The following EPHB2 variants were observed in gnomAD, a reference collection of about 807,000 sequenced individuals.
EPHB2 encodes ephrin type-B receptor 2.
Under a neutral mutation model 96.4 loss-of-function variants are expected in EPHB2, and 18 were observed. The ratio of observed to expected loss-of-function variants is 0.19; its 90% CI spans 0.13 to 0.28. The LOEUF is 0.28. EPHB2 is among the 10% of genes least tolerant of loss of function. The pLI is 1.00. For missense variants in EPHB2, 989 were observed against 1,355.4 expected (o/e 0.73, Z 4.25); for synonymous variants, 506 against 534.1 (o/e 0.95, Z 0.72).
At chr1:22,838,980 T>C (rs555064410) in intron 3 of EPHB2, among the ~76,000 whole-genome samples, 3 of 151,728 alleles carry the variant, frequency 2.0e-5, no homozygotes, top group African/African-American at 4.8e-5. Context: ...AGAAAAATCA[T>C]ACTAGAGAAG....
At chr1:22,882,011 C>A (rs904660626) in intron 5 of EPHB2, among the ~76,000 whole-genome samples, 1 of 152,162 alleles carries the variant, frequency 6.6e-6, no homozygotes, top group Non-Finnish European at 1.5e-5. Flanking sequence ...GAATGGGAGG[C>A]GGAAATAACT....
At chr1:22,761,572 G>T (rs553830910) in intron 1 of EPHB2, among the ~76,000 whole-genome samples, 29 of 152,290 alleles carry the variant, frequency 1.9e-4, no homozygotes, top group African/African-American at 6.5e-4. Context: ...CTGAGCCTCC[G>T]TTCCCTTGTC....
Position 22,790,790 on chromosome 1 carries a change from G to C in EPHB2, c.811+5714G>C, listed in dbSNP as rs1644679901. On this transcript the variant is annotated intron_variant, in intron 3 of 15. Transcript: ENST00000374630. This position sits in a 1 kb window ranked among gnomAD's most constrained non-coding sequence, Gnocchi z 4.0. ...GGGATTTTTAATATTTAGCTTGGAT[G>C]GGGAGAGGGGCTGCTAGCCAGCTCG... Among the ~76,000 whole-genome samples the C allele has an allele frequency of 1.3e-5, 2 of 152,236 alleles. No homozygotes were observed. Among genetic ancestry groups the C allele is most frequent in the Non-Finnish European group, 2.9e-5 (2 of 68,046 alleles).
At position 22,875,424 on chromosome 1, in the gene EPHB2, A is replaced by C. The variant is rs1638806358; in HGVS notation, c.1304-6935A>C. On this transcript the variant is annotated intron_variant, in intron 5 of 15. Transcript: ENST00000374630. The surrounding 1 kb of genome is among the most constrained non-coding windows in gnomAD (Gnocchi z 4.2). ...GTGGCAAGAGGCCCCACGTCACTGCAGCAGTTCCCAACTGTGGGTGGGCAC... is the reference window on the plus strand; with the variant it reads ...GTGGCAAGAGGCCCCACGTCACTGCCGCAGTTCCCAACTGTGGGTGGGCAC... 6.6e-6 allele frequency among the ~76,000 whole-genome samples: 1 copy of C among 152,232 alleles called. No individual in the cohort carries two copies. The highest frequency in any genetic ancestry group is 1.5e-5 in the Non-Finnish European group (1 of 68,042).
chr1:22,907,908 G>A, intron 11 of EPHB2, 45 bp from the exon 12 acceptor site: 1 of 1,603,514 alleles, frequency 6.2e-7, no homozygotes, highest in Non-Finnish European at 8.5e-7. Flanking sequence ...GAGCTCTGAT[G>A]CCTGCTCTTC....
chr1:22,902,017 G>A (rs992129989), intron 9 of EPHB2, among the ~76,000 whole-genome samples: 1 of 152,098 alleles, frequency 6.6e-6, no homozygotes, highest in Non-Finnish European at 1.5e-5. Context: ...GTAGAGATGG[G>A]TTTCTGCCAT....
chr1:22,758,076 A>G (rs12409124), intron 1 of EPHB2, among the ~76,000 whole-genome samples: 124,411 of 135,962 alleles, frequency 0.92, 57,758 homozygotes, highest in Non-Finnish European at 0.99. Context: ...CCGCTACCAC[A>G]CCCGGCTAAT....
At position 22,826,967 on chromosome 1, in the gene EPHB2, C is replaced by T. The variant is rs370815195; in HGVS notation, c.812-36070C>T. On this transcript the variant is annotated intron_variant, in intron 3 of 15. Transcript: ENST00000374630. ...GATGTCCCACAGTCCCCTCCCCCTGCCTTTGACCTCCAGTTGATCTTTGCT... is the reference window on the plus strand; with the variant it reads ...GATGTCCCACAGTCCCCTCCCCCTGTCTTTGACCTCCAGTTGATCTTTGCT... Among the ~76,000 whole-genome samples, 9 of 152,344 alleles carry T rather than the reference C, an allele frequency of 5.9e-5. 1 individual carries two copies. Among genetic ancestry groups the T allele is most frequent in the African/African-American group, 2.2e-4 (9 of 41,578 alleles).
In EPHB2 at chr1:22,915,404, C is replaced by T. The variant is rs937833091; in HGVS notation, c.*1834C>T. ...CACGTGACCCAGGTGCTAAGGGTTG[C>T]TCTTCTAAGCAGCCCTTCCTCCCTC... On this transcript the variant is annotated 3_prime_UTR_variant, in exon 16 of 16. Transcript: ENST00000374630. 3 of 152,240 alleles carry T rather than the reference C, an allele frequency of 2.0e-5. No individual in the cohort carries two copies. Among genetic ancestry groups the T allele is most frequent in the Non-Finnish European group, 2.9e-5 (2 of 68,058 alleles). The allele number at this position is 152,240 out of a possible 1,614,324, so 9.4% of individuals were successfully genotyped here.
At chr1:22,771,110 G>A (rs988714721) in intron 1 of EPHB2, among the ~76,000 whole-genome samples, 4 of 152,202 alleles carry the variant, frequency 2.6e-5, no homozygotes, top group Admixed American at 1.3e-4. Flanking sequence ...AGGTCTGGGT[G>A]GGCCTGGGTG....
At chr1:22,732,507 T>A (rs1643740483) in intron 1 of EPHB2, among the ~76,000 whole-genome samples, 2 of 152,250 alleles carry the variant, frequency 1.3e-5, no homozygotes, top group South Asian at 4.1e-4. Flanking sequence ...CATTTCCATA[T>A]GACCTCATTT....
At chr1:22,894,080 G>A (rs1408893148) in intron 7 of EPHB2, among the ~76,000 whole-genome samples, 1 of 152,162 alleles carries the variant, frequency 6.6e-6, no homozygotes, top group Non-Finnish European at 1.5e-5. Context: ...CACCTCCTCT[G>A]TAATCTTTCT....
rs1208897151 is a variant in EPHB2 at position 22,875,758 on chromosome 1, C to T, written c.1304-6601C>T. Among the ~76,000 whole-genome samples, 2 of 152,138 alleles carry T rather than the reference C, an allele frequency of 1.3e-5. No individual in the cohort carries two copies. Among genetic ancestry groups the T allele is most frequent in the Non-Finnish European group, 2.9e-5 (2 of 68,034 alleles). ...AAGGATTGAATGAGAGACAAGGTCC[C>T]TGACCTCAGATAGTGTTGGTGCTAT... is the stretch of plus-strand genomic sequence containing the variant. On this transcript the variant is annotated intron_variant, in intron 5 of 15. Transcript: ENST00000374630. This position sits in a 1 kb window ranked among gnomAD's most constrained non-coding sequence, Gnocchi z 4.2.
At position 22,784,682 on chromosome 1, in the gene EPHB2, T is replaced by C; in HGVS notation, c.417T>C (p.Asp139=). The C allele has an allele frequency of 6.2e-7, 1 of 1,613,936 alleles. No individual in the cohort carries two copies. The highest frequency in any genetic ancestry group is 8.5e-7 in the Non-Finnish European group (1 of 1,180,018). ...TGGAGAATCCATGGGTGAAGGTGGA[T>C]ACCATTGCAGCCGACGAGAGCTTCT... ...NWMENPWVKV[D]TIAADESFSQ... is the part of the protein sequence containing the mutation. Residue 139 remains aspartate (D), a synonymous_variant, in exon 3 of 16, where the codon GAT becomes GAC. Transcript: ENST00000374630. The surrounding 1 kb of genome is among the most constrained non-coding windows in gnomAD (Gnocchi z 5.1).
At chr1:22,791,705 T>C (rs10917300) in intron 3 of EPHB2, among the ~76,000 whole-genome samples, 10,007 of 152,218 alleles carry the variant, frequency 0.066, 518 homozygotes, top group East Asian at 0.19. Flanking sequence ...TAGGATCCCA[T>C]AGAATAAATG....
At chr1:22,893,080 A>C (rs1293681231) in intron 7 of EPHB2, 34 bp downstream of exon 7, 30 of 1,613,854 alleles carry the variant, frequency 1.9e-5, no homozygotes, top group Non-Finnish European at 2.5e-5. Context: ...AGGAGGGCAC[A>C]GACTCCACAA....
chr1:22,887,390 C>T (rs1184497277), intron 6 of EPHB2, among the ~76,000 whole-genome samples: 8 of 152,128 alleles, frequency 5.3e-5, no homozygotes. Flanking sequence ...TTCCTGAATG[C>T]TCCAGTCTTC....
intron 1 of EPHB2, among the ~76,000 whole-genome samples, chr1:22,745,593 A>G (rs1643961682): frequency 6.6e-6 from 1 of 152,132 alleles, no homozygotes; most frequent in South Asian, 2.1e-4. Context: ...AGCTTCAAAC[A>G]TCCCTCCCCA....
intron 3 of EPHB2, among the ~76,000 whole-genome samples, chr1:22,796,022 G>A (rs916261906): frequency 1.3e-5 from 2 of 152,160 alleles, no homozygotes; most frequent in Non-Finnish European, 2.9e-5. Flanking sequence ...GGGAGCCCAG[G>A]GGTCTCACTC....
Sources: allele counts gnomAD v4.1 joint callset (sites outside exome capture counted in the v4.1 genomes callset), GRCh38; gene constraint gnomAD v4.1.1; non-coding constraint Gnocchi (gnomAD v3.1); transcripts MANE v1.5; gene names NCBI Gene and HGNC (gene_info 2026-07-23, HGNC 2026-07-21).